Variants in SEL1L3 observed in about 807,000 individuals in gnomAD.
SEL1L3 encodes the protein SEL1L family member 3, also known as protein sel-1 homolog 3.
SEL1L3 carries 76 observed loss-of-function variants against 142.8 expected under a neutral mutation model. The ratio of observed to expected loss-of-function variants is 0.53; its 90% CI spans 0.44 to 0.64. The LOEUF (loss-of-function observed/expected upper bound fraction) is 0.64, where lower values mean the gene tolerates loss of function less well. SEL1L3 is among the 30% of genes least tolerant of loss of function. SEL1L3 has a pLI of 0.00. For missense variants in SEL1L3, 1,262 were observed against 1,381.7 expected (o/e 0.91, Z 1.37); for synonymous variants, 504 against 519.6 (o/e 0.97, Z 0.41).
At chr4:25,727,177 G>T in the SEL1L3 span, among the ~76,000 whole-genome samples, 14 of 151,872 alleles carry the variant, frequency 9.2e-5, no homozygotes, top group South Asian at 8.3e-4. Flanking sequence ...CTCAGCCTCC[G>T]AAGTAGCTGG....
intron 1 of SEL1L3, chr4:25,860,482 C>T (rs1717626128): frequency 6.6e-6 from 1 of 152,206 alleles, no homozygotes; most frequent in South Asian, 2.1e-4. Flanking sequence ...CCCCAATTCT[C>T]ACACCAAGCT....
At chr4:25,812,076 AT>A (rs1299603379) in intron 9 of SEL1L3, among the ~76,000 whole-genome samples, 2 of 152,240 alleles carry the variant, frequency 1.3e-5, no homozygotes, top group Admixed American at 1.3e-4. Flanking sequence ...GATCCAACTT[AT>A]ACTTTGAATT....
rs568228150 is a variant in SEL1L3 at position 25,804,749 on chromosome 4, G to A, written c.1568C>T (p.Pro523Leu). Residue 523 changes from proline (P) to leucine (L), a missense_variant, in exon 10 of 24, where the codon CCA becomes CTA. This residue lies in a region of SEL1L3 where 689 missense variants were observed against 692.8 expected (regional missense o/e 0.99). Coordinates refer to ENST00000399878, the MANE Select transcript of SEL1L3 (RefSeq NM_015187.5). Reference sequence around the variant, plus strand: ...TGATACAGATTCATTTTGGTTCCTTGGCACTGTAAATAACACAATTCAGAG... The same window carrying A: ...TGATACAGATTCATTTTGGTTCCTTAGCACTGTAAATAACACAATTCAGAG... Reference protein sequence around the residue: ...ALLEMDLLTVPRNQNESVSEI... With the variant: ...ALLEMDLLTVLRNQNESVSEI... The A allele has an allele frequency of 5.0e-6, 8 of 1,608,110 alleles. No individual in the cohort carries two copies. The East Asian group carries it at 1.8e-4, about 36-fold the overall frequency.
Position 25,788,244 on chromosome 4 carries a change from A to G in SEL1L3, c.2197T>C (p.Tyr733His). Residue 733 changes from tyrosine to histidine, a missense_variant, in exon 13 of 24, where the codon TAT becomes CAT. Physicochemically the swap from Tyr to His is moderately conservative, Grantham distance 83 (BLOSUM62 2). Coordinates refer to ENST00000399878, the MANE Select transcript of SEL1L3 (RefSeq NM_015187.5). This position sits in a 1 kb window ranked among gnomAD's most constrained non-coding sequence, Gnocchi z 5.3. ...CTTACCTTGAATAGCACAATGGCATAGTCATAGATTAACGCAGGATCCTCC... is the reference window on the plus strand; with the variant it reads ...CTTACCTTGAATAGCACAATGGCATGGTCATAGATTAACGCAGGATCCTCC... ...ETEDPALIYD[Y>H]AIVLFKGQGV... 1 of 1,613,856 alleles carries G rather than the reference A, an allele frequency of 6.2e-7. No homozygotes were observed. The highest frequency in any genetic ancestry group is 8.5e-7 in the Non-Finnish European group (1 of 1,179,862).
chr4:25,846,912 CAAAAAAAAAAAA>C (rs71184268), intron 2 of SEL1L3, among the ~76,000 whole-genome samples: 4 of 71,822 alleles, frequency 5.6e-5, no homozygotes, highest in South Asian at 6.5e-4. Context: ...GACTCCATCT[CAAAAAAAAAAAA>C]AAAAAAAAAA....
chr4:25,730,572 TATA>T, the SEL1L3 span, among the ~76,000 whole-genome samples: 5 of 152,268 alleles, frequency 3.3e-5, 1 homozygote, highest in South Asian at 1.0e-3. Flanking sequence ...TGGTGATGTG[TATA>T]ATGTCTTTAT....
intron 11 of SEL1L3, among the ~76,000 whole-genome samples, chr4:25,794,861 A>G (rs1431262352): frequency 6.6e-6 from 1 of 152,206 alleles, no homozygotes; most frequent in African/African-American, 2.4e-5. Flanking sequence ...TACACCATGA[A>G]ATACTATGCA....
At chr4:25,820,102 G>A (rs1198144097) in intron 7 of SEL1L3, among the ~76,000 whole-genome samples, 162 bp from the exon 8 acceptor site, 10 of 152,156 alleles carry the variant, frequency 6.6e-5, no homozygotes, top group African/African-American at 2.4e-4. Context: ...AAGGTCATTG[G>A]TACTAATTCA....
chr4:25,856,168 G>T (rs1251391493), intron 1 of SEL1L3, among the ~76,000 whole-genome samples: 1 of 152,164 alleles, frequency 6.6e-6, no homozygotes, highest in African/African-American at 2.4e-5. Context: ...AAATTTTTAA[G>T]ATTTCTCATC....
chr4:25,853,233 C>G (rs895215133), intron 1 of SEL1L3, among the ~76,000 whole-genome samples: 1 of 152,050 alleles, frequency 6.6e-6, no homozygotes, highest in Non-Finnish European at 1.5e-5. Context: ...AGAGTAAGGC[C>G]CTGTCCCCTC....
At chr4:25,736,506 G>A in the SEL1L3 span, among the ~76,000 whole-genome samples, 2 of 152,088 alleles carry the variant, frequency 1.3e-5, no homozygotes, top group Non-Finnish European at 2.9e-5. Flanking sequence ...TTACAGGTGT[G>A]AGCCACTGCA....
chr4:25,731,543 T>C, the SEL1L3 span, among the ~76,000 whole-genome samples: 2 of 152,188 alleles, frequency 1.3e-5, no homozygotes, highest in Admixed American at 6.5e-5. Flanking sequence ...CAGCTTTCTG[T>C]CACTATAGGT....
At chr4:25,807,889 T>A (rs1713708925) in intron 9 of SEL1L3, among the ~76,000 whole-genome samples, 1 of 152,200 alleles carries the variant, frequency 6.6e-6, no homozygotes, top group Admixed American at 6.5e-5. Flanking sequence ...AGGGCTGTGT[T>A]ATTTCTTTCG....
At position 25,758,941 on chromosome 4, in the gene SEL1L3, C is replaced by G; in HGVS notation, c.3083G>C (p.Arg1028Thr). The G allele has an allele frequency of 1.9e-6, 3 of 1,613,434 alleles. No individual in the cohort carries two copies. The highest frequency in any genetic ancestry group is 2.5e-6 in the Non-Finnish European group (3 of 1,179,708). The part of the protein sequence containing the change: ...NISILQELYE[R>T]CWSHSNEESF... ...ACAGTTCTAGAGGCTCTGAGCTCAC[C>G]TTTCGTACAGTTCCTGGAGAATGGA... Residue 1028 changes from arginine to threonine, a missense_variant and splice_region_variant, in exon 21 of 24, where the codon AGG (arginine) becomes ACG (threonine). This residue lies in a region of SEL1L3 where 138 missense variants were observed against 129.7 expected (regional missense o/e 1.06). Coordinates refer to ENST00000399878, the MANE Select transcript of SEL1L3 (RefSeq NM_015187.5).
At chr4:25,772,629 G>T (rs1719305354) in intron 17 of SEL1L3, among the ~76,000 whole-genome samples, 1 of 146,548 alleles carries the variant, frequency 6.8e-6, no homozygotes, top group African/African-American at 2.5e-5. Flanking sequence ...AAAAAGAAAA[G>T]AAAAAAAGAA....
chr4:25,757,519 T>C lies in SEL1L3; in HGVS notation c.3259+15A>G. 1 of 1,505,702 alleles carries C rather than the reference T, an allele frequency of 6.6e-7. No individual in the cohort carries two copies. The highest frequency in any genetic ancestry group is 8.9e-7 in the Non-Finnish European group (1 of 1,128,102). The allele number at this position is 1,505,702 out of a possible 1,614,324, so 93.3% of individuals were successfully genotyped here. A position where few individuals can be genotyped will look rare whatever the true frequency, so the allele number is the denominator to read the frequency against. On this transcript the variant is annotated intron_variant, in intron 23 of 23. Transcript: ENST00000399878. ...TTTTTTTAATATATTGCTTTCGCTTTTTATAAATCTTTACCTGAGACAGAC... is the reference window on the plus strand; with the variant it reads ...TTTTTTTAATATATTGCTTTCGCTTCTTATAAATCTTTACCTGAGACAGAC...
intron 11 of SEL1L3, among the ~76,000 whole-genome samples, chr4:25,800,967 T>C (rs557609632): frequency 7.2e-5 from 11 of 152,328 alleles, no homozygotes; most frequent in African/African-American, 2.4e-4. Flanking sequence ...ATTTTCTGCA[T>C]TGAGGATTTC....
intron 9 of SEL1L3, among the ~76,000 whole-genome samples, chr4:25,809,784 A>G (rs886331086): frequency 1.3e-5 from 2 of 152,208 alleles, no homozygotes; most frequent in African/African-American, 4.8e-5. Context: ...AAAGGTAATA[A>G]AGATGATGGT....
At chr4:25,736,221 C>CTG in the SEL1L3 span, among the ~76,000 whole-genome samples, 35 of 147,744 alleles carry the variant, frequency 2.4e-4, no homozygotes, top group South Asian at 4.3e-4. Context: ...GATTGTGTGT[C>CTG]TGTGTGTGTG....
Sources: gnomAD v4.1 joint callset for allele counts (sites outside exome capture counted in the v4.1 genomes callset) on GRCh38, gnomAD v4.1.1 for gene constraint, gnomAD v4.1.1 regional missense constraint, Gnocchi (gnomAD v3.1) non-coding constraint, MANE v1.5 for transcripts, NCBI Gene and HGNC (gene_info 2026-07-23, HGNC 2026-07-21) for gene names.